ADARB2: variants seen among roughly 807,000 people sequenced by gnomAD.
ADARB2 encodes inactive double-stranded RNA-specific editase B2.
ADARB2 carries 25 observed loss-of-function variants against 62.2 expected under a neutral mutation model. The observed-to-expected ratio is 0.40, with a 90% CI of 0.29 to 0.56. ADARB2 has a LOEUF of 0.56. ADARB2 is among the 20% of genes least tolerant of loss of function. ADARB2 has a pLI of 0.43. For synonymous variants in ADARB2, 572 were observed against 500.8 expected, an observed-to-expected ratio of 1.14 and a Z score of -1.90; for missense variants, 1,071 against 1,077.4, an observed-to-expected ratio of 0.99 and a Z score of 0.08.
chr10:1,430,738 T>TA (rs1830769484), intron 1 of ADARB2, among the ~76,000 whole-genome samples: 1 of 140,022 alleles, frequency 7.1e-6, no homozygotes. Flanking sequence ...AGACTCCGTC[T>TA]CAAAAAAAAA....
chr10:1,405,155 C>T (rs912311501), intron 1 of ADARB2, among the ~76,000 whole-genome samples: 6 of 152,218 alleles, frequency 3.9e-5, no homozygotes, highest in Non-Finnish European at 7.3e-5. Flanking sequence ...CCCCATTATG[C>T]ATGTTGATCC....
intron 1 of ADARB2, among the ~76,000 whole-genome samples, chr10:1,465,765 G>A (rs11250544): frequency 0.094 from 14,336 of 152,260 alleles, 846 homozygotes; most frequent in East Asian, 0.31. Flanking sequence ...CAGAATGTGC[G>A]TACCAGCAAC....
At chr10:1,670,367 G>A (rs1834368737) in intron 1 of ADARB2, among the ~76,000 whole-genome samples, 1 of 152,230 alleles carries the variant, frequency 6.6e-6, no homozygotes, top group African/African-American at 2.4e-5. Flanking sequence ...ACTGAACCCA[G>A]CAGCAGATGG....
chr10:1,263,575 TAATAATCA>T (rs1831164716), intron 4 of ADARB2, among the ~76,000 whole-genome samples: 1 of 152,230 alleles, frequency 6.6e-6, no homozygotes, highest in Non-Finnish European at 1.5e-5. Flanking sequence ...AGTTATGAGT[TAATAATCA>T]GAAAAGTGAA....
chr10:1,689,407 C>A (rs1834640053), intron 1 of ADARB2, among the ~76,000 whole-genome samples: 2 of 152,178 alleles, frequency 1.3e-5, no homozygotes, highest in South Asian at 4.1e-4. Context: ...TCCTGCCAAC[C>A]TGACTTGTTT....
At chr10:1,685,535 T>A (rs1588352184) in intron 1 of ADARB2, among the ~76,000 whole-genome samples, 1 of 152,182 alleles carries the variant, frequency 6.6e-6, no homozygotes, top group Admixed American at 6.5e-5. Flanking sequence ...ATTTAGAATT[T>A]TCTCTGGAAC....
At chr10:1,495,793 C>T (rs1388725885) in intron 1 of ADARB2, among the ~76,000 whole-genome samples, 1 of 151,892 alleles carries the variant, frequency 6.6e-6, no homozygotes, top group East Asian at 1.9e-4. Flanking sequence ...TTGGTATAAA[C>T]ATCATCACCA....
chr10:1,691,472 C>G (rs578252544), intron 1 of ADARB2, among the ~76,000 whole-genome samples: 4 of 152,136 alleles, frequency 2.6e-5, no homozygotes. Flanking sequence ...GCACTTGGAC[C>G]TATGACATCC....
At chr10:1,698,156 G>A (rs1834772115) in intron 1 of ADARB2, among the ~76,000 whole-genome samples, 1 of 152,188 alleles carries the variant, frequency 6.6e-6, no homozygotes, top group South Asian at 2.1e-4. Context: ...GTACCAACAT[G>A]TTTAATCAGA....
At chr10:1,573,272 AGCCCC>A (rs894615107) in intron 1 of ADARB2, among the ~76,000 whole-genome samples, 24 of 152,242 alleles carry the variant, frequency 1.6e-4, no homozygotes, top group African/African-American at 5.1e-4. Context: ...AGCTTGGATG[AGCCCC>A]GGTGGGGCTG....
intron 1 of ADARB2, among the ~76,000 whole-genome samples, chr10:1,717,703 G>C (rs139657140): frequency 6.6e-6 from 1 of 151,828 alleles, no homozygotes; most frequent in African/African-American, 2.4e-5. Flanking sequence ...CCAGACTCCC[G>C]AGTAGCTGGG....
At chr10:1,582,372 A>T (rs889246823) in intron 1 of ADARB2, among the ~76,000 whole-genome samples, 1 of 152,182 alleles carries the variant, frequency 6.6e-6, no homozygotes, top group Admixed American at 6.5e-5. Context: ...ACTGACCCAC[A>T]GCTGGTAGAT....
chr10:1,202,475 G>A (rs536182650), intron 7 of ADARB2, among the ~76,000 whole-genome samples: 2 of 152,296 alleles, frequency 1.3e-5, no homozygotes, highest in South Asian at 2.1e-4. Context: ...CACCGTGTCC[G>A]GCCAAGGCTG....
chr10:1,642,358 A>G (rs1263403573), intron 1 of ADARB2, among the ~76,000 whole-genome samples: 2 of 152,344 alleles, frequency 1.3e-5, no homozygotes, highest in East Asian at 3.9e-4. Flanking sequence ...TTGGCCCTGC[A>G]GAAAGGGATG....
intron 1 of ADARB2, among the ~76,000 whole-genome samples, chr10:1,662,223 G>A (rs1280100089): frequency 6.6e-6 from 1 of 152,174 alleles, no homozygotes; most frequent in Non-Finnish European, 1.5e-5. Context: ...ACTAAAATCA[G>A]AGAGGTTTGG....
At chr10:1,393,715 C>T (rs183456450) in intron 1 of ADARB2, among the ~76,000 whole-genome samples, 118 of 152,338 alleles carry the variant, frequency 7.7e-4, no homozygotes, top group African/African-American at 2.6e-3. Context: ...AAAGCTGAAA[C>T]GCCAACACAG....
intron 1 of ADARB2, among the ~76,000 whole-genome samples, chr10:1,454,551 A>G (rs1831074828): frequency 6.6e-6 from 1 of 152,226 alleles, no homozygotes; most frequent in Non-Finnish European, 1.5e-5. Context: ...CCTAGGGACC[A>G]TCTACAATGG....
chr10:1,542,783 A>G (rs376615324), intron 1 of ADARB2, among the ~76,000 whole-genome samples: 75 of 91,376 alleles, frequency 8.2e-4, no homozygotes, highest in African/African-American at 2.6e-3. Flanking sequence ...GACGCAGTTC[A>G]GACCCTGGAT....
chr10:1,366,161 G>T (rs1013372129), intron 2 of ADARB2, among the ~76,000 whole-genome samples: 2 of 152,172 alleles, frequency 1.3e-5, no homozygotes, highest in Non-Finnish European at 2.9e-5. Flanking sequence ...TGCAATGAGG[G>T]GCTGGGGGGT....
Sources: gnomAD v4.1 joint callset for allele counts (sites outside exome capture counted in the v4.1 genomes callset) on GRCh38, gnomAD v4.1.1 for gene constraint, MANE v1.5 for transcripts, NCBI Gene and HGNC (gene_info 2026-07-23, HGNC 2026-07-21) for gene names.